The following DNAI4 variants were observed in gnomAD, a reference collection of about 807,000 sequenced individuals.
The protein encoded by DNAI4 is WD repeat domain 78.
In DNAI4, 85 loss-of-function variants were observed where a neutral mutation model predicts 105.8. The ratio of observed to expected loss-of-function variants is 0.80; its 90% CI spans 0.67 to 0.96. DNAI4 has a LOEUF of 0.96. Ranked by LOEUF, DNAI4 falls within the 40% of genes least tolerant of loss-of-function variation. DNAI4 has a pLI of 0.00. For synonymous variants in DNAI4, 352 were observed against 331.5 expected, an observed-to-expected ratio of 1.06 and a Z score of -0.67; for missense variants, 1,014 against 1,005.6, an observed-to-expected ratio of 1.01 and a Z score of -0.11.
chr1:66,864,827 C>G (rs113303127), intron 6 of DNAI4, among the ~76,000 whole-genome samples: 1 of 152,004 alleles, frequency 6.6e-6, no homozygotes, highest in Non-Finnish European at 1.5e-5. Flanking sequence ...GGCAACAAAG[C>G]GAGACTCTGT....
At chr1:66,921,584 T>A (rs1404201415) in intron 1 of DNAI4, among the ~76,000 whole-genome samples, 1 of 152,206 alleles carries the variant, frequency 6.6e-6, no homozygotes, top group Non-Finnish European at 1.5e-5. Flanking sequence ...TTTAAGAAAC[T>A]CCCAAAGGAA....
chr1:66,833,856 T>C, intron 12 of DNAI4, 135 bp downstream of exon 12: 1 of 1,384,048 alleles, frequency 7.2e-7, no homozygotes, highest in Non-Finnish European at 9.6e-7. Context: ...CAGAACTAGC[T>C]GCTTAGAAAA....
intron 8 of DNAI4, among the ~76,000 whole-genome samples, chr1:66,845,190 C>CA (rs59265844): frequency 0.047 from 4,962 of 104,742 alleles, 254 homozygotes; most frequent in African/African-American, 0.1. Flanking sequence ...AACTCCATCT[C>CA]AAAAAAAAAA....
In DNAI4 at chr1:66,862,129, A is replaced by C. The variant is rs774386780; in HGVS notation, c.1096+18T>G. On this transcript the variant is annotated intron_variant, in intron 7 of 16. Transcript: ENST00000371026. Reference sequence around the variant, plus strand: ...ATGTTAAAGTCATTCAAAAAAACTAAAATAAATGAAATCTTACTTTTTTCT... The same window carrying C: ...ATGTTAAAGTCATTCAAAAAAACTACAATAAATGAAATCTTACTTTTTTCT... 11 of 1,556,892 alleles carry C rather than the reference A, an allele frequency of 7.1e-6. No individual in the cohort carries two copies. In the South Asian group the frequency reaches 1.1e-4, roughly 16 times the overall value.
intron 8 of DNAI4, among the ~76,000 whole-genome samples, chr1:66,846,938 A>G (rs149311891): frequency 1.0e-3 from 159 of 152,354 alleles, no homozygotes; most frequent in African/African-American, 3.6e-3. Context: ...TGAGAACAGG[A>G]AGAATGCTTC....
At chr1:66,909,510 C>T (rs1312757501) in intron 1 of DNAI4, among the ~76,000 whole-genome samples, 2 of 149,942 alleles carry the variant, frequency 1.3e-5, no homozygotes, top group African/African-American at 2.5e-5. Context: ...TAACTTGGAT[C>T]GTAGGACACT....
At chr1:66,886,626 T>G (rs1207789563) in intron 4 of DNAI4, among the ~76,000 whole-genome samples, 1 of 152,192 alleles carries the variant, frequency 6.6e-6, no homozygotes, top group East Asian at 1.9e-4. Context: ...TGCAATCCAG[T>G]ATTGTTACTC....
chr1:66,887,482 A>G (rs1050677097), intron 4 of DNAI4, among the ~76,000 whole-genome samples: 3 of 152,142 alleles, frequency 2.0e-5, no homozygotes, highest in East Asian at 3.8e-4. Context: ...GGGAGGGGGG[A>G]AGTTATAAAC....
intron 3 of DNAI4, among the ~76,000 whole-genome samples, 194 bp downstream of exon 3, chr1:66,893,028 AAGAGAGG>A (rs1647875919): frequency 7.5e-6 from 1 of 133,650 alleles, no homozygotes; most frequent in Admixed American, 7.4e-5. Context: ...GAAAGAAAGA[AAGAGAGG>A]AAAGAAAGAA....
intron 2 of DNAI4, among the ~76,000 whole-genome samples, chr1:66,901,888 G>C (rs1052137940): frequency 6.6e-6 from 1 of 152,168 alleles, no homozygotes; most frequent in African/African-American, 2.4e-5. Flanking sequence ...CTGGGCTCAA[G>C]TGATTCTCCT....
intron 5 of DNAI4, 27 bp from the exon 6 acceptor site, chr1:66,871,536 C>G: frequency 6.5e-7 from 1 of 1,536,254 alleles, no homozygotes; most frequent in East Asian, 2.3e-5. Flanking sequence ...GTATCCAACT[C>G]ATTAATAAGA....
chr1:66,813,510 T>C lies in DNAI4; in HGVS notation c.*620A>G, dbSNP rs1215223977. 6.6e-6 allele frequency: 1 copy of C among 152,352 alleles called. No individual in the cohort carries two copies. The highest frequency in any genetic ancestry group is 1.5e-5 in the Non-Finnish European group (1 of 68,032). 9.4% of individuals were successfully genotyped at this position (152,352 alleles called of 1,614,324 possible). On this transcript the variant is annotated 3_prime_UTR_variant, in exon 17 of 17. Coordinates refer to ENST00000371026, the MANE Select transcript of DNAI4 (RefSeq NM_024763.5). ...GAAGAGTACCCTGTTGTGTCCCAGA[T>C]GAATTTTTCTCACTGAATTGGGAAT... is the stretch of plus-strand genomic sequence containing the variant.
chr1:66,895,879 T>C (rs1231845035), intron 2 of DNAI4, among the ~76,000 whole-genome samples: 1 of 152,218 alleles, frequency 6.6e-6, no homozygotes, highest in Non-Finnish European at 1.5e-5. Flanking sequence ...AATCTTGATA[T>C]CTTGGCACAG....
chr1:66,903,685 G>C (rs747415607), intron 2 of DNAI4, among the ~76,000 whole-genome samples: 58 of 152,062 alleles, frequency 3.8e-4, no homozygotes, highest in African/African-American at 1.4e-3. Flanking sequence ...TAGTAGAGAC[G>C]GGGTTTCACC....
intron 16 of DNAI4, among the ~76,000 whole-genome samples, chr1:66,818,937 T>G (rs903760264): frequency 6.6e-6 from 1 of 151,968 alleles, no homozygotes; most frequent in Admixed American, 6.6e-5. Context: ...AGAAATAAAT[T>G]GTTAAAAACA....
chr1:66,827,917 C>T lies in DNAI4; in HGVS notation c.2014-7G>A, dbSNP rs367927145. ...CCAAATAGATATTTGTGTCCTACAA[C>T]ACAAAACATCGAAATGCATTGGCTT... is the stretch of plus-strand genomic sequence containing the variant. On this transcript the variant is annotated splice_polypyrimidine_tract_variant and splice_region_variant and intron_variant, in intron 13 of 16. Transcript: ENST00000371026. 26 of 1,557,448 alleles carry T rather than the reference C, an allele frequency of 1.7e-5. No homozygotes were observed. The African/African-American group carries it at 3.3e-4, about 20-fold the overall frequency.
chr1:66,878,271 AC>A (rs1418158707), intron 4 of DNAI4, among the ~76,000 whole-genome samples: 2 of 152,100 alleles, frequency 1.3e-5, no homozygotes, highest in Non-Finnish European at 2.9e-5. Context: ...AAATTGTTCT[AC>A]CTTTTGCCAT....
chr1:66,864,842 A>T (rs1034386474), intron 6 of DNAI4, among the ~76,000 whole-genome samples: 1 of 152,306 alleles, frequency 6.6e-6, no homozygotes, highest in East Asian at 1.9e-4. Context: ...CTCTGTCTCA[A>T]AAAAGAGCAA....
At chr1:66,848,630 G>C (rs972041439) in intron 7 of DNAI4, among the ~76,000 whole-genome samples, 1 of 152,076 alleles carries the variant, frequency 6.6e-6, no homozygotes. Flanking sequence ...TAAAAACACT[G>C]GAAATTTTAG....
Sources: allele counts gnomAD v4.1 joint callset (sites outside exome capture counted in the v4.1 genomes callset), GRCh38; gene constraint gnomAD v4.1.1; transcripts MANE v1.5; gene names NCBI Gene and HGNC (gene_info 2026-07-23, HGNC 2026-07-21).